Variants in EIF2B5 observed in about 807,000 individuals in gnomAD.
EIF2B5 encodes the protein eukaryotic translation initiation factor 2B subunit epsilon, also known as translation initiation factor eIF2B subunit epsilon.
Under a neutral mutation model 87.3 loss-of-function variants are expected in EIF2B5, and 38 were observed. The ratio of observed to expected loss-of-function variants is 0.44; its 90% CI spans 0.34 to 0.57. The LOEUF (loss-of-function observed/expected upper bound fraction) is 0.57, where lower values mean the gene tolerates loss of function less well. EIF2B5 is among the 20% of genes least tolerant of loss of function. EIF2B5 has a pLI of 0.02. For synonymous variants in EIF2B5, 313 were observed against 339.6 expected (o/e 0.92, Z 0.86); for missense variants, 784 against 909.5 (o/e 0.86, Z 1.78).
chr3:184,135,907 G>A (rs1713332013), intron 1 of EIF2B5: 3 of 403,916 alleles, frequency 7.4e-6, no homozygotes, highest in Non-Finnish European at 1.3e-5. Flanking sequence ...TGCCGATGAC[G>A]GTTGCTTAGG....
chr3:184,136,500 A>C (rs543426662), intron 1 of EIF2B5, 112 bp from the exon 2 acceptor site: 1 of 1,413,672 alleles, frequency 7.1e-7, no homozygotes, highest in Non-Finnish European at 9.9e-7. Flanking sequence ...AATTGGAAAG[A>C]TACAGCAAAA....
At chr3:184,135,889 T>A in intron 1 of EIF2B5, 1 of 456,256 alleles carries the variant, frequency 2.2e-6, no homozygotes, top group Non-Finnish European at 3.9e-6. Flanking sequence ...CTGCGCCGCT[T>A]TTAACCTTGC....
chr3:184,137,276 A>G (rs1006260609), intron 2 of EIF2B5: 5 of 410,048 alleles, frequency 1.2e-5, no homozygotes, highest in Admixed American at 7.3e-5. Flanking sequence ...TAAATGTTAT[A>G]TGGATTGCAG....
At chr3:184,139,224 G>T (rs534666444) in intron 5 of EIF2B5, among the ~76,000 whole-genome samples, 1 of 148,042 alleles carries the variant, frequency 6.8e-6, no homozygotes, top group Non-Finnish European at 1.5e-5. Context: ...TCCCGCCTTG[G>T]CCTCCCAAAG....
rs2109006873 is a variant in EIF2B5 at position 184,137,605 on chromosome 3, C to A, written c.321-15C>A. ...TGCTTGATACACTCATTCCCCTCAC[C>A]CTCCCTTCCTTTAGGAAGTCAAAGT... On this transcript the variant is annotated splice_polypyrimidine_tract_variant and intron_variant, in intron 2 of 15. Coordinates refer to ENST00000648915, the MANE Select transcript of EIF2B5 (RefSeq NM_003907.3). 6.2e-7 allele frequency: 1 copy of A among 1,613,274 alleles called. No individual in the cohort carries two copies. The highest frequency in any genetic ancestry group is 8.5e-7 in the Non-Finnish European group (1 of 1,179,256).
Position 184,135,452 on chromosome 3 carries a change from G to C in EIF2B5, c.67G>C (p.Gly23Arg). The C allele has an allele frequency of 6.3e-7, 1 of 1,581,392 alleles. No individual in the cohort carries two copies. ...VSRANKRSGA[G>R]PGGSGGGGAR... ...TCGGGCTAACAAGCGCAGCGGCGCG[G>C]GGCCGGGAGGCAGCGGTGGCGGGGG... The change falls in exon 1 of 16, where the codon GGG (glycine) becomes CGG (arginine). Residue 23 changes from glycine (G) to arginine (R), a missense_variant. Coordinates refer to ENST00000648915, the MANE Select transcript of EIF2B5 (RefSeq NM_003907.3).
chr3:184,135,660 A>G (rs1463167814), intron 1 of EIF2B5, 80 bp downstream of exon 1: 4 of 1,525,082 alleles, frequency 2.6e-6, no homozygotes, highest in Admixed American at 2.0e-5. Context: ...GCTAACTACA[A>G]CAGCATGCCC....
In EIF2B5 at chr3:184,143,951, AACAACTCCCAAGTCC is replaced by A; in HGVS notation, c.1870-147_1870-133del. ...GAATCTCTTTTTCCCAAACCCTGTCAACAACTCCCAAGTCCCTCTGACATAATTCCACAGAACCTG... is the reference window on the plus strand; with the variant it reads ...GAATCTCTTTTTCCCAAACCCTGTCACTCTGACATAATTCCACAGAACCTG... On this transcript the variant is annotated intron_variant, in intron 13 of 15. Coordinates refer to ENST00000648915, the MANE Select transcript of EIF2B5 (RefSeq NM_003907.3). 23 of 1,268,192 alleles carry A rather than the reference AACAACTCCCAAGTCC, an allele frequency of 1.8e-5. No individual in the cohort carries two copies. The South Asian group carries it at 2.8e-4, about 16-fold the overall frequency. 78.6% of individuals were successfully genotyped at this position (1,268,192 alleles called of 1,614,324 possible).
chr3:184,138,387 C>T (rs978767721), intron 5 of EIF2B5, 141 bp downstream of exon 5: 8 of 845,624 alleles, frequency 9.5e-6, no homozygotes, highest in Admixed American at 4.2e-5. Context: ...GACAGAGTCT[C>T]GCTCTGTTGC....
rs745788288 is a variant in EIF2B5, at chr3:184,138,275, C to T, written c.765+29C>T. ...AGCTCTTTAGGGCTGGGGCTGCACACCCAAAGAGTAGAACTCTGTGGGTCT... is the reference window on the plus strand; with the variant it reads ...AGCTCTTTAGGGCTGGGGCTGCACATCCAAAGAGTAGAACTCTGTGGGTCT... On this transcript the variant is annotated intron_variant, in intron 5 of 15. Coordinates refer to ENST00000648915, the MANE Select transcript of EIF2B5 (RefSeq NM_003907.3). The T allele has an allele frequency of 8.1e-6, 13 of 1,597,968 alleles. No homozygotes were observed. The East Asian group carries it at 2.2e-4, about 27-fold the overall frequency.
At chr3:184,144,533 C>G in intron 14 of EIF2B5, 64 bp from the exon 15 acceptor site, 1 of 1,429,476 alleles carries the variant, frequency 7.0e-7, no homozygotes, top group Non-Finnish European at 9.8e-7. Context: ...GATCTGAGGG[C>G]CTGGTAGAGT....
chr3:184,138,192 A>AGTGGAGGTTCGATATGATTT lies in EIF2B5; in HGVS notation c.712_731dup (p.Leu245TrpfsTer40). Reference sequence around the variant, plus strand: ...GCCTGTTTCAGGGCAGTAGTGATGGAGTGGAGGTTCGATATGATTTACTGG... The same window carrying AGTGGAGGTTCGATATGATTT: ...GCCTGTTTCAGGGCAGTAGTGATGGAGTGGAGGTTCGATATGATTTGTGGAGGTTCGATATGATTTACTGG... On this transcript the variant is annotated frameshift_variant, in exon 5 of 16. Transcript: ENST00000648915. LOFTEE classifies it high-confidence loss of function. The AGTGGAGGTTCGATATGATTT allele has an allele frequency of 6.2e-7, 1 of 1,614,028 alleles. No homozygotes were observed. Among genetic ancestry groups the AGTGGAGGTTCGATATGATTT allele is most frequent in the Non-Finnish European group, 8.5e-7 (1 of 1,180,004 alleles).
At chr3:184,135,644 A>G (rs1713316622) in intron 1 of EIF2B5, 64 bp downstream of exon 1, 1 of 1,546,348 alleles carries the variant, frequency 6.5e-7, no homozygotes, top group African/African-American at 1.4e-5. Context: ...GCAAGTTCTC[A>G]TTTCGGCTAA....
At chr3:184,135,668 C>A in intron 1 of EIF2B5, 88 bp downstream of exon 1, 1 of 1,493,390 alleles carries the variant, frequency 6.7e-7, no homozygotes, top group East Asian at 2.5e-5. Flanking sequence ...CAACAGCATG[C>A]CCTTGAAGGA....
chr3:184,138,958 T>C (rs945656981), intron 5 of EIF2B5: 7 of 248,652 alleles, frequency 2.8e-5, no homozygotes, highest in Non-Finnish European at 4.9e-5. Context: ...CACCAGTTTT[T>C]TTTGTTGTTG....
In EIF2B5 at chr3:184,137,361, A is replaced by T. The variant is rs925074372; in HGVS notation, c.321-259A>T. Reference sequence around the variant, plus strand: ...AGGCTTCAGCAGGATTTTGAGTTCAAATTGATGTTTAGGGACAAGGGGTCA... The same window carrying T: ...AGGCTTCAGCAGGATTTTGAGTTCATATTGATGTTTAGGGACAAGGGGTCA... On this transcript the variant is annotated intron_variant, in intron 2 of 15. Transcript: ENST00000648915. 1.3e-5 allele frequency: 7 copies of T among 543,016 alleles called. No individual in the cohort carries two copies. The African/African-American group carries it at 1.3e-4, about 10-fold the overall frequency. 33.6% of individuals were successfully genotyped at this position (543,016 alleles called of 1,614,324 possible).
In EIF2B5 at chr3:184,137,892, T is replaced by A. The variant is rs771512063; in HGVS notation, c.507-6T>A. 6 of 1,613,996 alleles carry A rather than the reference T, an allele frequency of 3.7e-6. No homozygotes were observed. In the African/African-American group the frequency reaches 8.0e-5, roughly 22 times the overall value. ...TTTGCAGTTCTGTCCCTCCTGTCCTTTATAGGTTGAGACGGAAGCTAGAAA... is the reference window on the plus strand; with the variant it reads ...TTTGCAGTTCTGTCCCTCCTGTCCTATATAGGTTGAGACGGAAGCTAGAAA... On this transcript the variant is annotated splice_region_variant and splice_polypyrimidine_tract_variant and intron_variant, in intron 3 of 15. Transcript: ENST00000648915.
intron 5 of EIF2B5, among the ~76,000 whole-genome samples, chr3:184,138,572 C>T (rs1238508571): frequency 6.6e-6 from 1 of 152,090 alleles, no homozygotes; most frequent in Admixed American, 6.5e-5. Context: ...CCAGGCTGGT[C>T]TCGAACTCCT....
rs1713705872 is a variant in EIF2B5, at chr3:184,142,905, ATGCG to A, written c.1654+20_1654+23del. 6.2e-7 allele frequency: 1 copy of A among 1,605,534 alleles called. No individual in the cohort carries two copies. The highest frequency in any genetic ancestry group is 1.3e-5 in the African/African-American group (1 of 74,932). ...ATCAAAGGTGAGTGGCAGGGGAGAAATGCGCTGGACCAGTTTATTCTCTGCCTGG... is the reference window on the plus strand; with the variant it reads ...ATCAAAGGTGAGTGGCAGGGGAGAAACTGGACCAGTTTATTCTCTGCCTGG... On this transcript the variant is annotated intron_variant, in intron 11 of 15. Transcript: ENST00000648915. The surrounding 1 kb of genome is among the most constrained non-coding windows in gnomAD (Gnocchi z 5.0).
Sources: allele counts gnomAD v4.1 joint callset (sites outside exome capture counted in the v4.1 genomes callset), GRCh38; gene constraint gnomAD v4.1.1; non-coding constraint Gnocchi (gnomAD v3.1); transcripts MANE v1.5; gene names NCBI Gene and HGNC (gene_info 2026-07-23, HGNC 2026-07-21).